Variants in CFAP44 observed in about 807,000 individuals in gnomAD.
CFAP44 encodes the protein cilia and flagella associated protein 44.
Under a neutral mutation model 216.2 loss-of-function variants are expected in CFAP44, and 134 were observed. The observed-to-expected ratio is 0.62, with a 90% CI of 0.54 to 0.72. The LOEUF is 0.72. Ranked by LOEUF, CFAP44 falls within the 30% of genes least tolerant of loss-of-function variation. CFAP44 has a pLI of 0.00. For missense variants in CFAP44, 2,035 were observed against 2,182.1 expected (o/e 0.93, Z 1.34); for synonymous variants, 700 against 727.6 (o/e 0.96, Z 0.61).
intron 12 of CFAP44, 53 bp from the exon 13 acceptor site, chr3:113,400,053 G>T: frequency 8.2e-7 from 1 of 1,222,458 alleles, no homozygotes; most frequent in Admixed American, 2.6e-5. Flanking sequence ...ATTTTTTTAA[G>T]TCTTGGCTCA....
chr3:113,340,842 C>G (rs1379227318), intron 24 of CFAP44, among the ~76,000 whole-genome samples: 4 of 152,192 alleles, frequency 2.6e-5, no homozygotes, highest in Non-Finnish European at 5.9e-5. Flanking sequence ...AGAATCGGAT[C>G]ACATGTGGGC....
rs138579167 is a variant in CFAP44 at position 113,366,173 on chromosome 3, T to C, written c.2581A>G (p.Ile861Val). Residue 861 changes from isoleucine (I) to valine (V), a missense_variant, in exon 19 of 35, where the codon ATT becomes GTT. By Grantham distance (29) the Ile-to-Val change is conservative (BLOSUM62 3). Coordinates refer to ENST00000393845, the MANE Select transcript of CFAP44 (RefSeq NM_001164496.2). ...FNMHDNNYGCIKSIANSFDDR... is the reference protein window; with the variant it reads ...FNMHDNNYGCVKSIANSFDDR... ...TCAAAGCTATTAGCAATACTTTTAATACATCCATAATTATTGTCATGCATA... is the reference window on the plus strand; with the variant it reads ...TCAAAGCTATTAGCAATACTTTTAACACATCCATAATTATTGTCATGCATA... 1.9e-5 allele frequency: 30 copies of C among 1,614,028 alleles called. No homozygotes were observed. The highest frequency in any genetic ancestry group is 2.7e-5 in the African/African-American group (2 of 74,944).
In CFAP44 at chr3:113,344,606, T is replaced by C. The variant is rs1243755018; in HGVS notation, c.3172A>G (p.Lys1058Glu). Residue 1058 changes from lysine (K) to glutamate (E), a missense_variant, in exon 23 of 35, where the codon AAA becomes GAA. Physicochemically the swap from Lys to Glu is moderately conservative, Grantham distance 56. This residue lies in a region of CFAP44 where 1,883 missense variants were observed against 2,023.7 expected (regional missense o/e 0.93). Coordinates refer to ENST00000393845, the MANE Select transcript of CFAP44 (RefSeq NM_001164496.2). ...TTTCTCTCTGATTGACTAGCTCGTT[T>C]GAATTTGGAGTACTTAGAGGGCTGC... ...LVQPSKYSKF[K>E]RASQSERKPS... 1.3e-6 allele frequency: 2 copies of C among 1,537,158 alleles called. No homozygotes were observed. The highest frequency in any genetic ancestry group is 8.7e-7 in the Non-Finnish European group (1 of 1,146,862).
chr3:113,425,626 T>G (rs1934939921), intron 4 of CFAP44, among the ~76,000 whole-genome samples: 1 of 152,218 alleles, frequency 6.6e-6, no homozygotes, highest in African/African-American at 2.4e-5. Context: ...ATTGATTATG[T>G]AACTTGACAG....
intron 29 of CFAP44, among the ~76,000 whole-genome samples, chr3:113,307,424 G>A (rs1431294853): frequency 1.3e-5 from 2 of 152,116 alleles, no homozygotes; most frequent in East Asian, 3.8e-4. Flanking sequence ...ATTCATTAAT[G>A]TTTTCCCTGA....
At chr3:113,375,429 G>A (rs549151271) in intron 17 of CFAP44, among the ~76,000 whole-genome samples, 10 of 152,198 alleles carry the variant, frequency 6.6e-5, no homozygotes, top group African/African-American at 2.4e-4. Context: ...GAAAAAATAG[G>A]CTAAAGCATG....
chr3:113,295,613 A>G (rs1011893259), intron 33 of CFAP44, among the ~76,000 whole-genome samples: 14 of 152,222 alleles, frequency 9.2e-5, no homozygotes, highest in African/African-American at 3.1e-4. Context: ...AAGACAGGAA[A>G]CTGGAGAAGT....
At chr3:113,430,124 T>C (rs559563801) in intron 2 of CFAP44, among the ~76,000 whole-genome samples, 17 of 152,192 alleles carry the variant, frequency 1.1e-4, no homozygotes, top group African/African-American at 3.1e-4. Context: ...AGAATAGATA[T>C]GTTCTCTGAA....
chr3:113,338,255 C>CA (rs10574877), intron 24 of CFAP44, among the ~76,000 whole-genome samples: 541 of 43,050 alleles, frequency 0.013, 139 homozygotes, highest in African/African-American at 0.059. Context: ...GACAATGTCT[C>CA]AAAAAAAAAA....
chr3:113,353,645 A>T (rs1268357576), intron 22 of CFAP44, among the ~76,000 whole-genome samples: 3 of 152,334 alleles, frequency 2.0e-5, no homozygotes, highest in South Asian at 2.1e-4. Context: ...CTGAAATATT[A>T]TCTAGGAATT....
chr3:113,362,887 C>T (rs543265611), intron 21 of CFAP44: 15 of 1,204,742 alleles, frequency 1.2e-5, no homozygotes, highest in African/African-American at 1.1e-4. Flanking sequence ...TTTATTTCTT[C>T]CCCATGTATT....
chr3:113,427,276 TC>T lies in CFAP44; in HGVS notation c.163del (p.Glu55LysfsTer5), dbSNP rs1386666135. On this transcript the variant is annotated frameshift_variant, in exon 3 of 35. Transcript: ENST00000393845. LOFTEE classifies it high-confidence loss of function. ...TGAGTCTTCTTCTAAATATGATCCT[TC>T]CCCTTTGGTAAATGTTTCATCTGTG... ...DDTDETFTKG[E>X]GSYLEEDSDE... The T allele has an allele frequency of 4.3e-6, 7 of 1,613,070 alleles. No homozygotes were observed. The highest frequency in any genetic ancestry group is 5.9e-6 in the Non-Finnish European group (7 of 1,179,518).
At chr3:113,293,227 G>T (rs1483491066) in intron 34 of CFAP44, among the ~76,000 whole-genome samples, 1 of 152,072 alleles carries the variant, frequency 6.6e-6, no homozygotes, top group Non-Finnish European at 1.5e-5. Flanking sequence ...ATCAAATTTT[G>T]GTTATTCTTA....
At chr3:113,438,837 A>T (rs1935293727) in intron 1 of CFAP44, among the ~76,000 whole-genome samples, 1 of 152,188 alleles carries the variant, frequency 6.6e-6, no homozygotes, top group Non-Finnish European at 1.5e-5. Context: ...CTCTTTTCCC[A>T]GAGAAAGTAT....
chr3:113,425,553 T>C (rs1353801815), intron 4 of CFAP44, among the ~76,000 whole-genome samples: 1 of 152,228 alleles, frequency 6.6e-6, no homozygotes. Flanking sequence ...GCTCATCTGA[T>C]ATATAATGTG....
intron 11 of CFAP44, among the ~76,000 whole-genome samples, chr3:113,400,920 C>T (rs1161938334): frequency 6.6e-6 from 1 of 151,858 alleles, no homozygotes; most frequent in East Asian, 1.9e-4. Flanking sequence ...GTAACAGCTG[C>T]TTGTCTACTA....
At chr3:113,385,647 G>A (rs1204527628) in intron 15 of CFAP44, among the ~76,000 whole-genome samples, 1 of 151,886 alleles carries the variant, frequency 6.6e-6, no homozygotes, top group Admixed American at 6.6e-5. Context: ...TTGTTTGTTT[G>A]TTTGTTTGTT....
chr3:113,439,385 T>TA (rs879611719), intron 1 of CFAP44, among the ~76,000 whole-genome samples: 21 of 151,276 alleles, frequency 1.4e-4, no homozygotes, highest in Middle Eastern at 3.4e-3. Context: ...ACCTTACACA[T>TA]AAAAAAAAAT....
chr3:113,376,373 GAAATA>G, intron 17 of CFAP44, among the ~76,000 whole-genome samples: 1 of 152,286 alleles, frequency 6.6e-6, no homozygotes, highest in Non-Finnish European at 1.5e-5. Context: ...GTCAGGACTA[GAAATA>G]AATATTTGAG....
Sources: gnomAD v4.1 joint callset for allele counts (sites outside exome capture counted in the v4.1 genomes callset) on GRCh38, gnomAD v4.1.1 for gene constraint, gnomAD v4.1.1 regional missense constraint, MANE v1.5 for transcripts, NCBI Gene and HGNC (gene_info 2026-07-23, HGNC 2026-07-21) for gene names.